The following TANC1 variants were observed in gnomAD, a reference collection of about 807,000 sequenced individuals.
The protein encoded by TANC1 is tetratricopeptide repeat, ankyrin repeat and coiled-coil containing 1.
In TANC1, 77 loss-of-function variants were observed where a neutral mutation model predicts 149.7. That is an observed-to-expected ratio of 0.51 (90% CI 0.43 to 0.62). TANC1 has a LOEUF of 0.62. Ranked by LOEUF, TANC1 falls within the 20% of genes least tolerant of loss-of-function variation. TANC1 has a pLI of 0.00. For synonymous variants in TANC1, 854 were observed against 925.0 expected (o/e 0.92, Z 1.39); for missense variants, 1,985 against 2,321.8 (o/e 0.85, Z 2.98).
At chr2:159,086,099 G>A (rs1304927866) in intron 3 of TANC1, among the ~76,000 whole-genome samples, 9 of 152,114 alleles carry the variant, frequency 5.9e-5, no homozygotes, top group East Asian at 1.9e-4. Context: ...TAACATAGAC[G>A]TGACAGGTGC....
intron 22 of TANC1, among the ~76,000 whole-genome samples, chr2:159,222,376 G>A (rs2059761408): frequency 6.6e-6 from 1 of 152,166 alleles, no homozygotes; most frequent in African/African-American, 2.4e-5. Flanking sequence ...AGGTGAAACT[G>A]TATTTGTTAA....
chr2:159,214,836 G>A (rs1170719091), intron 19 of TANC1, among the ~76,000 whole-genome samples: 1 of 152,158 alleles, frequency 6.6e-6, no homozygotes, highest in African/African-American at 2.4e-5. Flanking sequence ...ACATCCAACA[G>A]GACAGAGCCC....
At chr2:159,149,020 T>C in intron 5 of TANC1, 122 bp from the exon 6 acceptor site, 1 of 1,177,720 alleles carries the variant, frequency 8.5e-7, no homozygotes, top group East Asian at 2.4e-5. Context: ...TGTCCAACTT[T>C]GTGCGCATTT....
chr2:159,133,535 T>C (rs1045219129), intron 4 of TANC1, among the ~76,000 whole-genome samples: 1 of 152,152 alleles, frequency 6.6e-6, no homozygotes, highest in African/African-American at 2.4e-5. Flanking sequence ...ATTCCATTTG[T>C]ATCTGTCCTA....
At chr2:159,087,902 C>T (rs1258673247) in intron 3 of TANC1, among the ~76,000 whole-genome samples, 1 of 148,390 alleles carries the variant, frequency 6.7e-6, no homozygotes, top group African/African-American at 2.5e-5. Context: ...GAGACACAGA[C>T]ACAGAGGGAG....
intron 7 of TANC1, among the ~76,000 whole-genome samples, chr2:159,159,789 A>G (rs60638622): frequency 0.15 from 21,904 of 149,404 alleles, 2,156 homozygotes; most frequent in East Asian, 0.46. Context: ...TTTTATCTCT[A>G]TAAGGTGGGG....
intron 3 of TANC1, among the ~76,000 whole-genome samples, chr2:159,081,840 G>A (rs908130423): frequency 7.9e-5 from 12 of 152,170 alleles, no homozygotes; most frequent in Admixed American, 7.2e-4. Context: ...CATGGGCCAG[G>A]CCTCAGACCT....
At chr2:159,217,760 C>A (rs2288108) in intron 20 of TANC1, 130 bp downstream of exon 20, 150,024 of 1,208,108 alleles carry the variant, frequency 0.12, 16,586 homozygotes, top group East Asian at 0.48. Flanking sequence ...TTCTGCTGTG[C>A]CATCAGGACT....
At chr2:159,025,008 T>C (rs1162407756) in intron 2 of TANC1, among the ~76,000 whole-genome samples, 1 of 152,164 alleles carries the variant, frequency 6.6e-6, no homozygotes, top group African/African-American at 2.4e-5. Flanking sequence ...CCACCTTCCA[T>C]CCTCTATCCC....
chr2:159,163,149 G>T (rs1368701658), intron 7 of TANC1, 134 bp from the exon 8 acceptor site: 2 of 868,862 alleles, frequency 2.3e-6, no homozygotes, highest in Middle Eastern at 3.4e-4. Context: ...ACATTGTATG[G>T]AACATACTTT....
intron 2 of TANC1, among the ~76,000 whole-genome samples, chr2:159,028,928 AT>A (rs1000080209): frequency 3.3e-5 from 5 of 152,016 alleles, no homozygotes; most frequent in African/African-American, 9.7e-5. Flanking sequence ...TAATTTGTAG[AT>A]TTTTTTATAG....
At chr2:159,032,562 A>G (rs2149484512) in intron 2 of TANC1, among the ~76,000 whole-genome samples, 1 of 152,276 alleles carries the variant, frequency 6.6e-6, no homozygotes, top group East Asian at 1.9e-4. Context: ...GTTAAAATAT[A>G]ACAGCCTGTA....
intron 2 of TANC1, among the ~76,000 whole-genome samples, chr2:159,030,174 G>A (rs1442746964): frequency 6.6e-6 from 1 of 152,024 alleles, no homozygotes; most frequent in African/African-American, 2.4e-5. Context: ...AAAAAAAATT[G>A]CAAGGTTGGA....
intron 4 of TANC1, among the ~76,000 whole-genome samples, chr2:159,128,917 G>C (rs1422941834): frequency 6.6e-6 from 1 of 152,120 alleles, no homozygotes; most frequent in Non-Finnish European, 1.5e-5. Flanking sequence ...ATTTGCCTTA[G>C]TGATAAAGGT....
chr2:158,983,836 T>A (rs958607656), intron 1 of TANC1, among the ~76,000 whole-genome samples: 1 of 152,234 alleles, frequency 6.6e-6, no homozygotes, highest in African/African-American at 2.4e-5. Context: ...ATTGCCTTTG[T>A]GCCTATTAAA....
chr2:159,071,912 A>T (rs2043188533), intron 3 of TANC1, among the ~76,000 whole-genome samples: 1 of 152,242 alleles, frequency 6.6e-6, no homozygotes, highest in African/African-American at 2.4e-5. Context: ...TTACTGGGGC[A>T]TTTAAACAAA....
chr2:159,061,282 C>A (rs1574404552), intron 2 of TANC1, among the ~76,000 whole-genome samples: 2 of 151,242 alleles, frequency 1.3e-5, no homozygotes, highest in African/African-American at 4.9e-5. Flanking sequence ...GGACAGGATA[C>A]CCCCCAATAT....
chr2:159,160,374 C>T (rs547022989), intron 7 of TANC1, among the ~76,000 whole-genome samples: 6 of 151,968 alleles, frequency 3.9e-5, no homozygotes, highest in East Asian at 1.9e-4. Flanking sequence ...AGATGCTGCC[C>T]TTGATGTGTA....
chr2:159,150,159 T>C (rs768579041), intron 6 of TANC1: 159 of 445,140 alleles, frequency 3.6e-4, no homozygotes, highest in Non-Finnish European at 5.5e-4. Context: ...CGAACAAAGA[T>C]ACTGCTTTCT....
Sources: allele counts gnomAD v4.1 joint callset (sites outside exome capture counted in the v4.1 genomes callset), GRCh38; gene constraint gnomAD v4.1.1; transcripts MANE v1.5; gene names NCBI Gene and HGNC (gene_info 2026-07-23, HGNC 2026-07-21).